The following GPC5 variants were observed in gnomAD, a reference collection of about 807,000 sequenced individuals.
The protein encoded by GPC5 is glypican 5, also known as glypican-5.
GPC5 carries 47 observed loss-of-function variants against 53.9 expected under a neutral mutation model. The ratio of observed to expected loss-of-function variants is 0.87; its 90% CI spans 0.69 to 1.11. The LOEUF is 1.11. GPC5 is among the 50% of genes most tolerant of loss of function. The pLI, the probability that GPC5 is intolerant of heterozygous loss-of-function variation, is 0.00. For missense variants in GPC5, 748 were observed against 713.1 expected (o/e 1.05, Z -0.56); for synonymous variants, 286 against 263.3 (o/e 1.09, Z -0.84).
intron 7 of GPC5, among the ~76,000 whole-genome samples, chr13:92,401,375 G>A (rs564620915): frequency 4.6e-5 from 7 of 151,946 alleles, no homozygotes; most frequent in South Asian, 2.1e-4. Flanking sequence ...ATTAGAAATC[G>A]AAGTACCATA....
At chr13:92,515,473 C>T (rs900674034) in intron 7 of GPC5, among the ~76,000 whole-genome samples, 1 of 152,116 alleles carries the variant, frequency 6.6e-6, no homozygotes, top group Admixed American at 6.5e-5. Flanking sequence ...ATGAAGTTCT[C>T]GACCCAGTTA....
At chr13:92,301,286 A>C (rs2043073551) in intron 7 of GPC5, among the ~76,000 whole-genome samples, 1 of 152,190 alleles carries the variant, frequency 6.6e-6, no homozygotes, top group Non-Finnish European at 1.5e-5. Context: ...TCTTGAAGAG[A>C]TGGAATCTTT....
chr13:92,505,266 A>G (rs1318973623), intron 7 of GPC5, among the ~76,000 whole-genome samples: 1 of 152,004 alleles, frequency 6.6e-6, no homozygotes, highest in Non-Finnish European at 1.5e-5. Flanking sequence ...AGAAATCTCA[A>G]AATGTAGCAG....
At chr13:91,830,180 C>T (rs1262897220) in intron 5 of GPC5, among the ~76,000 whole-genome samples, 2 of 152,076 alleles carry the variant, frequency 1.3e-5, no homozygotes, top group East Asian at 3.9e-4. Flanking sequence ...GGCACGTATT[C>T]TCTTTCCCAG....
At chr13:92,049,270 C>A (rs2138835855) in intron 6 of GPC5, among the ~76,000 whole-genome samples, 1 of 152,188 alleles carries the variant, frequency 6.6e-6, no homozygotes, top group East Asian at 1.9e-4. Flanking sequence ...GTTATTCTAC[C>A]CAAGTCATTT....
intron 7 of GPC5, among the ~76,000 whole-genome samples, chr13:92,212,949 A>T (rs2042385543): frequency 6.6e-6 from 1 of 152,190 alleles, no homozygotes; most frequent in South Asian, 2.1e-4. Context: ...TCCCTTGGCA[A>T]TGTAGCCAGT....
At chr13:91,992,139 G>T (rs975695866) in intron 6 of GPC5, among the ~76,000 whole-genome samples, 1 of 152,114 alleles carries the variant, frequency 6.6e-6, no homozygotes, top group Admixed American at 6.5e-5. Context: ...CTGGGCTCAA[G>T]TGATCCTCCT....
At chr13:92,237,164 A>AT (rs1427189431) in intron 7 of GPC5, among the ~76,000 whole-genome samples, 1 of 152,038 alleles carries the variant, frequency 6.6e-6, no homozygotes, top group Admixed American at 6.6e-5. Context: ...CTTTTGCTTT[A>AT]TTGTCTTTTG....
chr13:92,556,510 T>G (rs1320850624), intron 7 of GPC5, among the ~76,000 whole-genome samples: 1 of 151,760 alleles, frequency 6.6e-6, no homozygotes, highest in South Asian at 2.1e-4. Context: ...ACAGGCTGTA[T>G]GTAGAGACCC....
intron 7 of GPC5, among the ~76,000 whole-genome samples, chr13:92,723,953 T>C (rs2139290568): frequency 6.6e-6 from 1 of 151,784 alleles, no homozygotes; most frequent in South Asian, 2.1e-4. Context: ...TTAATTGAAC[T>C]GTTTTTTGCG....
intron 6 of GPC5, among the ~76,000 whole-genome samples, chr13:92,034,369 A>C (rs1294523478): frequency 6.6e-6 from 1 of 152,000 alleles, no homozygotes. Context: ...ATGGTGGTGG[A>C]TGCCTGTAAT....
chr13:92,444,247 G>A (rs1011511208), intron 7 of GPC5, among the ~76,000 whole-genome samples: 16 of 152,172 alleles, frequency 1.1e-4, no homozygotes, highest in African/African-American at 3.1e-4. Flanking sequence ...TTCAATAGAT[G>A]TATATGTTTT....
intron 1 of GPC5, among the ~76,000 whole-genome samples, chr13:91,440,122 G>T (rs1194877038): frequency 6.6e-6 from 1 of 152,052 alleles, no homozygotes; most frequent in Non-Finnish European, 1.5e-5. Flanking sequence ...TTGTTAATTT[G>T]TGGTGTTCAC....
chr13:92,637,677 C>A (rs1288547960), intron 7 of GPC5, among the ~76,000 whole-genome samples: 3 of 152,110 alleles, frequency 2.0e-5, no homozygotes, highest in African/African-American at 7.2e-5. Flanking sequence ...TAAAGCTTAA[C>A]TATTCGGCAC....
intron 6 of GPC5, among the ~76,000 whole-genome samples, chr13:92,044,117 T>C: frequency 6.6e-6 from 1 of 152,338 alleles, no homozygotes; most frequent in East Asian, 1.9e-4. Context: ...GCGTTATTCT[T>C]CTTAGTTCTA....
intron 5 of GPC5, among the ~76,000 whole-genome samples, chr13:91,786,237 C>T (rs168278): frequency 0.36 from 55,117 of 151,952 alleles, 11,677 homozygotes; most frequent in African/African-American, 0.59. Context: ...CCTCGCGATC[C>T]GCCTGCGTCA....
intron 5 of GPC5, among the ~76,000 whole-genome samples, chr13:91,781,128 G>C (rs1298934044): frequency 6.6e-6 from 1 of 152,194 alleles, no homozygotes; most frequent in African/African-American, 2.4e-5. Flanking sequence ...AAGTGCACAA[G>C]CTTAATAAAG....
intron 5 of GPC5, among the ~76,000 whole-genome samples, chr13:91,797,214 T>C (rs2038060440): frequency 1.3e-5 from 2 of 152,158 alleles, no homozygotes; most frequent in African/African-American, 4.8e-5. Context: ...TTTAGATTAC[T>C]TCCCCTTTCT....
chr13:91,722,885 G>T (rs1010270203), intron 3 of GPC5, among the ~76,000 whole-genome samples: 1 of 152,126 alleles, frequency 6.6e-6, no homozygotes, highest in African/African-American at 2.4e-5. Context: ...TTTTCCCCAA[G>T]AACTGGGCAC....
Sources: allele counts gnomAD v4.1 joint callset (sites outside exome capture counted in the v4.1 genomes callset), GRCh38; gene constraint gnomAD v4.1.1; transcripts MANE v1.5; gene names NCBI Gene and HGNC (gene_info 2026-07-23, HGNC 2026-07-21).